Variants in PXDNL observed in about 807,000 individuals in gnomAD.
The protein encoded by PXDNL is probable oxidoreductase PXDNL.
Under a neutral mutation model 150.8 loss-of-function variants are expected in PXDNL, and 145 were observed. The ratio of observed to expected loss-of-function variants is 0.96; its 90% CI spans 0.84 to 1.10. The LOEUF (loss-of-function observed/expected upper bound fraction) is 1.10. PXDNL is among the 50% of genes least tolerant of loss of function. The pLI is 0.00. For synonymous variants in PXDNL, 757 were observed against 725.7 expected, an observed-to-expected ratio of 1.04 and a Z score of -0.69; for missense variants, 2,087 against 1,873.9, an observed-to-expected ratio of 1.11 and a Z score of -2.10.
intron 19 of PXDNL, among the ~76,000 whole-genome samples, chr8:51,366,345 C>T (rs1472278649): frequency 2.0e-5 from 3 of 152,224 alleles, no homozygotes; most frequent in Admixed American, 6.5e-5. Context: ...ACCAATTTGG[C>T]TGTTCCTGAA....
At chr8:51,556,116 A>G (rs990767710) in intron 4 of PXDNL, among the ~76,000 whole-genome samples, 3 of 152,022 alleles carry the variant, frequency 2.0e-5, no homozygotes, top group African/African-American at 7.2e-5. Context: ...TACTAAAAAC[A>G]TATAAATTAG....
At chr8:51,778,559 T>C (rs746912227) in intron 1 of PXDNL, among the ~76,000 whole-genome samples, 6 of 152,174 alleles carry the variant, frequency 3.9e-5, no homozygotes, top group Non-Finnish European at 8.8e-5. Flanking sequence ...CATTATTTAT[T>C]TCCTACTCAC....
intron 21 of PXDNL, among the ~76,000 whole-genome samples, chr8:51,326,010 G>C (rs913332840): frequency 6.6e-6 from 1 of 152,128 alleles, no homozygotes; most frequent in Non-Finnish European, 1.5e-5. Context: ...TTCTGTGTCT[G>C]TTGATGTGCT....
intron 4 of PXDNL, among the ~76,000 whole-genome samples, chr8:51,540,968 T>C (rs1471967382): frequency 6.6e-6 from 1 of 152,024 alleles, no homozygotes; most frequent in Non-Finnish European, 1.5e-5. Flanking sequence ...TTCAAGAATA[T>C]TGGACTTTCA....
intron 1 of PXDNL, among the ~76,000 whole-genome samples, chr8:51,695,204 T>C (rs555045304): frequency 1.3e-5 from 2 of 152,320 alleles, no homozygotes; most frequent in African/African-American, 4.8e-5. Context: ...TACTTCCCAC[T>C]ACCCCACTTA....
intron 2 of PXDNL, among the ~76,000 whole-genome samples, chr8:51,603,305 AT>A (rs922915160): frequency 4.2e-4 from 64 of 152,032 alleles, no homozygotes; most frequent in African/African-American, 1.5e-3. Flanking sequence ...TCCTTTGCAT[AT>A]TTTGACTAAT....
At chr8:51,601,862 T>C (rs925481513) in intron 2 of PXDNL, among the ~76,000 whole-genome samples, 9 of 151,934 alleles carry the variant, frequency 5.9e-5, no homozygotes, top group Non-Finnish European at 1.2e-4. Flanking sequence ...GTAGGTATCA[T>C]TCTTTTGTTT....
intron 17 of PXDNL, among the ~76,000 whole-genome samples, chr8:51,389,458 T>G (rs1374277921): frequency 2.0e-5 from 3 of 152,196 alleles, no homozygotes; most frequent in African/African-American, 7.2e-5. Flanking sequence ...TCTAGTTCCC[T>G]TCATCCTTGC....
rs1459340867 is a variant in PXDNL at position 51,371,939 on chromosome 8, G to C, written c.3835C>G (p.Gln1279Glu). 1.9e-6 allele frequency: 3 copies of C among 1,613,982 alleles called. No individual in the cohort carries two copies. In the Admixed American group the frequency reaches 5.0e-5, roughly 27 times the overall value. The change falls in exon 19 of 23, where the codon CAG becomes GAG. Residue 1279 changes from glutamine to glutamate, a missense_variant. Transcript: ENST00000356297. ...ATCTCGCTGCAGTTCAGGTAATCCT[G>C]TGGGTATTCTGCCTTTACAAAGACA... Reference protein sequence around the residue: ...ADVFVKAEYPQDYLNCSEIPK... With the variant: ...ADVFVKAEYPEDYLNCSEIPK...
At chr8:51,424,084 C>T (rs1809026654) in intron 13 of PXDNL, among the ~76,000 whole-genome samples, 1 of 152,096 alleles carries the variant, frequency 6.6e-6, no homozygotes. Flanking sequence ...TACATTTGGT[C>T]GGGCACAGTG....
chr8:51,421,468 G>A (rs1808951047), intron 14 of PXDNL, among the ~76,000 whole-genome samples: 1 of 152,178 alleles, frequency 6.6e-6, no homozygotes, highest in Non-Finnish European at 1.5e-5. Context: ...GGGAGGCTAA[G>A]GTGGGCAGAT....
chr8:51,743,081 T>C (rs2036924326), intron 1 of PXDNL, among the ~76,000 whole-genome samples: 1 of 152,100 alleles, frequency 6.6e-6, no homozygotes, highest in South Asian at 2.1e-4. Flanking sequence ...ATCTTCTCTC[T>C]TCATTTGAAA....
chr8:51,377,678 G>A (rs1448351033), intron 17 of PXDNL, among the ~76,000 whole-genome samples: 2 of 152,214 alleles, frequency 1.3e-5, no homozygotes, highest in African/African-American at 4.8e-5. Context: ...GCTGCGGAGG[G>A]TGCACCGGGT....
intron 6 of PXDNL, among the ~76,000 whole-genome samples, chr8:51,480,698 G>T (rs1356866566): frequency 1.3e-5 from 2 of 152,132 alleles, no homozygotes; most frequent in Admixed American, 1.3e-4. Flanking sequence ...TGAATCATGG[G>T]GGTGGTTTCC....
chr8:51,696,641 GCACATCCACA>G (rs77876996), intron 1 of PXDNL, among the ~76,000 whole-genome samples: 108,061 of 135,584 alleles, frequency 0.8, 40,297 homozygotes, highest in East Asian at 0.84. Flanking sequence ...ACAGGCATAC[GCACATCCACA>G]CACATCCACA....
chr8:51,585,156 G>A (rs35923500), intron 3 of PXDNL, among the ~76,000 whole-genome samples: 10,524 of 152,186 alleles, frequency 0.069, 462 homozygotes, highest in South Asian at 0.1. Context: ...TAAGGAGTGC[G>A]TTTGAAGGGA....
At chr8:51,345,381 AAG>A (rs375428869) in intron 20 of PXDNL, among the ~76,000 whole-genome samples, 184 of 152,336 alleles carry the variant, frequency 1.2e-3, no homozygotes, top group African/African-American at 4.3e-3. Flanking sequence ...TCAATTTTCT[AAG>A]AGTTCAAAAA....
Position 51,718,538 on chromosome 8 carries a change from A to T in PXDNL, c.165-63778T>A, listed in dbSNP as rs574977003. ...AAATACCAACCGTGGCTCGAACTTC[A>T]TAGTTTGCCTCTAACTGCATTTTCA... On this transcript the variant is annotated intron_variant, in intron 1 of 22. Coordinates refer to ENST00000356297, the MANE Select transcript of PXDNL (RefSeq NM_144651.5). Among the ~76,000 whole-genome samples, 4 of 152,378 alleles carry T rather than the reference A, an allele frequency of 2.6e-5. No homozygotes were observed. The East Asian group carries it at 7.7e-4, about 29-fold the overall frequency.
intron 21 of PXDNL, among the ~76,000 whole-genome samples, chr8:51,321,912 G>A (rs79950342): frequency 2.6e-5 from 4 of 152,022 alleles, no homozygotes; most frequent in Non-Finnish European, 5.9e-5. Flanking sequence ...AGTTGAAGCC[G>A]TAATCCCCAA....
Sources: allele counts gnomAD v4.1 joint callset (sites outside exome capture counted in the v4.1 genomes callset), GRCh38; gene constraint gnomAD v4.1.1; transcripts MANE v1.5; gene names NCBI Gene and HGNC (gene_info 2026-07-23, HGNC 2026-07-21).